KCNN2: variants seen among roughly 807,000 people sequenced by gnomAD.
KCNN2 encodes the protein potassium calcium-activated channel subfamily N member 2, also known as small conductance calcium-activated potassium channel protein 2.
In KCNN2, 24 loss-of-function variants were observed where a neutral mutation model predicts 55.5. That is an observed-to-expected ratio of 0.43 (90% CI 0.31 to 0.61). KCNN2 has a LOEUF of 0.61. Among genes scored for constraint, KCNN2 ranks in the 20% least tolerant of loss-of-function variants. KCNN2 has a pLI of 0.08. For missense variants in KCNN2, 754 were observed against 853.6 expected (o/e 0.88, Z 1.45); for synonymous variants, 431 against 336.1 (o/e 1.28, Z -3.09).
intron 2 of KCNN2, among the ~76,000 whole-genome samples, chr5:114,267,119 C>T (rs1204240310): frequency 5.3e-5 from 8 of 151,820 alleles, no homozygotes; most frequent in African/African-American, 1.9e-4. Flanking sequence ...CCTCAGCCTC[C>T]TGAGTAGCTG....
chr5:114,471,185 C>T (rs867302051), intron 4 of KCNN2, among the ~76,000 whole-genome samples: 5 of 152,094 alleles, frequency 3.3e-5, no homozygotes, highest in South Asian at 2.1e-4. Context: ...CCTTAGTATC[C>T]ATGGGGGTTC....
chr5:114,195,466 CTTAA>C (rs1753535782), intron 1 of KCNN2, among the ~76,000 whole-genome samples: 1 of 151,742 alleles, frequency 6.6e-6, no homozygotes, highest in South Asian at 2.1e-4. Flanking sequence ...ATGAAATTTT[CTTAA>C]TTTTCAGATT....
At chr5:114,160,385 C>T (rs1295152113) in intron 1 of KCNN2, among the ~76,000 whole-genome samples, 1 of 152,110 alleles carries the variant, frequency 6.6e-6, no homozygotes, top group Admixed American at 6.6e-5. Context: ...GTTATAATTT[C>T]TATTCTTTTA....
At chr5:114,119,581 C>T (rs1580530585) in intron 1 of KCNN2, among the ~76,000 whole-genome samples, 2 of 152,082 alleles carry the variant, frequency 1.3e-5, no homozygotes, top group East Asian at 3.9e-4. Flanking sequence ...GAAGTTCTCT[C>T]CTCTATACCC....
chr5:114,079,770 T>C (rs1307515635), intron 1 of KCNN2, among the ~76,000 whole-genome samples: 3 of 152,072 alleles, frequency 2.0e-5, no homozygotes, highest in Admixed American at 2.0e-4. Context: ...CAAATGTTTC[T>C]TGCTGCAGCC....
chr5:114,338,137 A>G (rs1315129471), intron 2 of KCNN2, among the ~76,000 whole-genome samples: 4 of 152,166 alleles, frequency 2.6e-5, no homozygotes, highest in Admixed American at 2.0e-4. Flanking sequence ...TTTAACATCT[A>G]TATTTTAAGT....
chr5:114,404,854 A>G lies in KCNN2; in HGVS notation c.1635A>G (p.Glu545=). ...CCGCATGGACTGTCCGAGCTTGTGA[A>G]AGGTAAGTTTGTTTCTTTTCCTGAG... ...IIAAWTVRAC[E]RYHDQQDVTS... Residue 545 remains glutamate (E), a splice_region_variant and synonymous_variant, in exon 3 of 8, where the codon GAA becomes GAG. Transcript: ENST00000673685. The G allele has an allele frequency of 6.2e-7, 1 of 1,601,488 alleles. No individual in the cohort carries two copies. The highest frequency in any genetic ancestry group is 8.5e-7 in the Non-Finnish European group (1 of 1,171,772).
At position 114,315,455 on chromosome 5, in the gene KCNN2, GTGTGTGTGTGTA is replaced by G. The variant is rs1426012081; in HGVS notation, c.-184-45488_-184-45477del. On this transcript the variant is annotated intron_variant, in intron 2 of 10. Coordinates refer to the KCNN2 transcript ENST00000512097. Reference sequence around the variant, plus strand: ...TGTGTGTGTGTGTGTGTGTGTGTGTGTGTGTGTGTGTATATATATATAAAACTTCTGTTTTAA... The same window carrying G: ...TGTGTGTGTGTGTGTGTGTGTGTGTGTATATATATAAAACTTCTGTTTTAA... Among the ~76,000 whole-genome samples, 45 of 101,160 alleles carry G rather than the reference GTGTGTGTGTGTA, an allele frequency of 4.4e-4. No individual in the cohort carries two copies. In the South Asian group the frequency reaches 6.1e-3, roughly 14 times the overall value. The allele number at this position is 101,160 out of a possible 152,430, so 66.4% of individuals were successfully genotyped here. A position where few individuals can be genotyped will look rare whatever the true frequency, so the allele number is the denominator to read the frequency against.
intron 2 of KCNN2, among the ~76,000 whole-genome samples, chr5:114,226,087 A>G (rs1167452509): frequency 6.6e-6 from 1 of 151,404 alleles, no homozygotes; most frequent in African/African-American, 2.4e-5. Flanking sequence ...AGAGTGGGAA[A>G]TACCAGGTCG....
At chr5:114,237,223 A>G (rs926971147) in intron 2 of KCNN2, among the ~76,000 whole-genome samples, 1 of 151,050 alleles carries the variant, frequency 6.6e-6, no homozygotes, top group African/African-American at 2.4e-5. Flanking sequence ...TTCACCATTC[A>G]AACTTCCATC....
intron 3 of KCNN2, among the ~76,000 whole-genome samples, chr5:114,431,006 AT>A (rs1580825350): frequency 6.6e-6 from 1 of 152,048 alleles, no homozygotes; most frequent in African/African-American, 2.4e-5. Context: ...TTTTTTGAGG[AT>A]TTTTGCATCT....
At chr5:114,451,072 G>A (rs1418653108) in intron 3 of KCNN2, among the ~76,000 whole-genome samples, 2 of 152,198 alleles carry the variant, frequency 1.3e-5, no homozygotes, top group Non-Finnish European at 2.9e-5. Context: ...TTATATAGGT[G>A]TAAGATTTGA....
rs183461750 is a variant in KCNN2, at chr5:114,202,822, G to T, written c.-270-18658G>T. 6.2e-3 allele frequency among the ~76,000 whole-genome samples: 950 copies of T among 152,102 alleles called. 12 individuals are homozygous for T. Among genetic ancestry groups the T allele is most frequent in the Non-Finnish European group, 7.0e-3 (478 of 67,998 alleles). On this transcript the variant is annotated intron_variant, in intron 1 of 10. Transcript: ENST00000512097. ...AGGATGGTCTCGGTCTCCTGACCTC[G>T]TGATCTGCCTGCCTTGGCCTTCCAA... is the stretch of plus-strand genomic sequence containing the variant.
intron 1 of KCNN2, among the ~76,000 whole-genome samples, chr5:114,118,390 C>G (rs1271970571): frequency 2.0e-5 from 3 of 152,108 alleles, no homozygotes; most frequent in African/African-American, 7.2e-5. Context: ...AGACGTCCTG[C>G]AATCTACAGT....
At chr5:114,364,544 A>C (rs1757545092) in intron 2 of KCNN2, among the ~76,000 whole-genome samples, 1 of 152,034 alleles carries the variant, frequency 6.6e-6, no homozygotes, top group African/African-American at 2.4e-5. Flanking sequence ...TAGAATGCAA[A>C]TTCTGTGTAT....
chr5:114,360,420 C>T (rs1002824329), upstream of KCNN2, among the ~76,000 whole-genome samples: 1 of 152,156 alleles, frequency 6.6e-6, no homozygotes, highest in East Asian at 1.9e-4. Context: ...TGAGGGTGAT[C>T]CGCTTTCACT....
chr5:114,257,312 T>G (rs1365333346), intron 2 of KCNN2, among the ~76,000 whole-genome samples: 2 of 152,178 alleles, frequency 1.3e-5, no homozygotes, highest in African/African-American at 4.8e-5. Context: ...GCTTTGTTCT[T>G]TTTCTTAGGA....
At chr5:114,492,962 C>A (rs555846078) in intron 6 of KCNN2, among the ~76,000 whole-genome samples, 1 of 151,846 alleles carries the variant, frequency 6.6e-6, no homozygotes, top group African/African-American at 2.4e-5. Flanking sequence ...CAATCCATTT[C>A]GGACTAAACA....
At chr5:114,085,832 C>T (rs1289351950) in intron 1 of KCNN2, among the ~76,000 whole-genome samples, 5 of 151,888 alleles carry the variant, frequency 3.3e-5, no homozygotes, top group African/African-American at 1.2e-4. Context: ...TTGTTGAAAC[C>T]TCTAGTAATA....
Sources: gnomAD v4.1 joint callset for allele counts (sites outside exome capture counted in the v4.1 genomes callset) on GRCh38, gnomAD v4.1.1 for gene constraint, MANE v1.5 for transcripts, NCBI Gene and HGNC (gene_info 2026-07-23, HGNC 2026-07-21) for gene names.